The following CSMD1 variants were observed in gnomAD, a reference collection of about 807,000 sequenced individuals.
CSMD1 encodes the protein CUB and Sushi multiple domains 1.
CSMD1 carries 213 observed loss-of-function variants against 417.5 expected under a neutral mutation model. The ratio of observed to expected loss-of-function variants is 0.51; its 90% CI spans 0.46 to 0.57. The LOEUF (loss-of-function observed/expected upper bound fraction) is 0.57, where lower values mean the gene tolerates loss of function less well. CSMD1 is among the 20% of genes least tolerant of loss of function. CSMD1 has a pLI of 0.00. For missense variants in CSMD1, 6,923 were observed against 4,529.7 expected (o/e 1.53, Z -15.17); for synonymous variants, 2,862 against 1,736.8 (o/e 1.65, Z -16.11).
At chr8:4,883,331 A>T (rs1803533991) in intron 1 of CSMD1, among the ~76,000 whole-genome samples, 1 of 152,160 alleles carries the variant, frequency 6.6e-6, no homozygotes, top group Admixed American at 6.5e-5. Context: ...GGATATAATT[A>T]TCAGATATAA....
chr8:3,991,251 A>T (rs1418169621), intron 5 of CSMD1, among the ~76,000 whole-genome samples: 1 of 152,232 alleles, frequency 6.6e-6, no homozygotes, highest in African/African-American at 2.4e-5. Context: ...TTATCCGTAC[A>T]GTAGAATTAG....
At chr8:4,833,841 T>G (rs377112772) in intron 1 of CSMD1, among the ~76,000 whole-genome samples, 3 of 152,218 alleles carry the variant, frequency 2.0e-5, no homozygotes, top group Non-Finnish European at 4.4e-5. Context: ...GCAAGTTGGC[T>G]ACGTTGGCTA....
At chr8:4,081,512 TG>T (rs1425648482) in intron 3 of CSMD1, among the ~76,000 whole-genome samples, 1 of 152,204 alleles carries the variant, frequency 6.6e-6, no homozygotes, top group East Asian at 1.9e-4. Context: ...GACAAGGAAC[TG>T]GGGTCCCCCT....
At chr8:3,440,771 G>GT (rs1263975616) in intron 12 of CSMD1, among the ~76,000 whole-genome samples, 2 of 152,104 alleles carry the variant, frequency 1.3e-5, no homozygotes, top group Non-Finnish European at 2.9e-5. Context: ...AATTCTAAGT[G>GT]TTTTTTTGTT....
chr8:3,051,490 G>C (rs763256200), intron 50 of CSMD1, among the ~76,000 whole-genome samples: 2 of 152,086 alleles, frequency 1.3e-5, no homozygotes, highest in African/African-American at 2.4e-5. Flanking sequence ...CTGTCTCTTG[G>C]GTACTATGGT....
chr8:3,071,534 G>C (rs984711613), intron 49 of CSMD1, among the ~76,000 whole-genome samples: 1 of 152,078 alleles, frequency 6.6e-6, no homozygotes, highest in East Asian at 1.9e-4. Context: ...ATGATAAAAT[G>C]TATGTCTAAC....
intron 26 of CSMD1, among the ~76,000 whole-genome samples, chr8:3,265,629 A>G (rs1301840131): frequency 6.6e-6 from 1 of 152,242 alleles, no homozygotes; most frequent in African/African-American, 2.4e-5. Flanking sequence ...AGAGGAGTGA[A>G]GGTGGAGAAG....
At chr8:3,560,464 C>T (rs187256363) in intron 10 of CSMD1, among the ~76,000 whole-genome samples, 1 of 152,098 alleles carries the variant, frequency 6.6e-6, no homozygotes, top group African/African-American at 2.4e-5. Flanking sequence ...TCTGTGAACT[C>T]CAGACTGATT....
intron 1 of CSMD1, among the ~76,000 whole-genome samples, chr8:4,838,751 T>G (rs10090660): frequency 0.8 from 122,099 of 152,086 alleles, 50,184 homozygotes; most frequent in East Asian, 0.98. Context: ...AAATGAAGAC[T>G]AACAAGGAAG....
intron 2 of CSMD1, among the ~76,000 whole-genome samples, chr8:4,528,065 C>A (rs939988504): frequency 1.3e-5 from 2 of 152,264 alleles, no homozygotes; most frequent in South Asian, 4.1e-4. Flanking sequence ...CCTTTCCCAC[C>A]ACATTCAGCA....
intron 2 of CSMD1, among the ~76,000 whole-genome samples, chr8:4,543,757 G>A: frequency 6.9e-6 from 1 of 144,152 alleles, no homozygotes; most frequent in South Asian, 2.3e-4. Flanking sequence ...CACCGCTAAT[G>A]ACTGAGAGTT....
intron 1 of CSMD1, among the ~76,000 whole-genome samples, chr8:4,741,950 T>A (rs1398924977): frequency 7.0e-6 from 1 of 143,062 alleles, no homozygotes; most frequent in African/African-American, 2.6e-5. Context: ...CTTCCCATCT[T>A]AGCCTCCAGA....
intron 3 of CSMD1, among the ~76,000 whole-genome samples, chr8:4,296,691 T>TA (rs1485279078): frequency 1.7e-5 from 2 of 117,310 alleles, no homozygotes; most frequent in Non-Finnish European, 3.3e-5. Flanking sequence ...AACACGAAAA[T>TA]AAGGGTTTTT....
At chr8:3,654,806 G>A (rs1798022857) in intron 7 of CSMD1, among the ~76,000 whole-genome samples, 1 of 152,112 alleles carries the variant, frequency 6.6e-6, no homozygotes, top group Non-Finnish European at 1.5e-5. Context: ...CTGCCTCAGG[G>A]CTACCATGGC....
chr8:4,922,836 T>G (rs1444706574), intron 1 of CSMD1, among the ~76,000 whole-genome samples: 1 of 152,234 alleles, frequency 6.6e-6, no homozygotes, highest in Admixed American at 6.5e-5. Flanking sequence ...GAGGAATTCC[T>G]TTACCAAGTT....
At chr8:3,307,870 G>C in intron 24 of CSMD1, 49 bp from the exon 25 acceptor site, 1 of 1,583,688 alleles carries the variant, frequency 6.3e-7, no homozygotes, top group Non-Finnish European at 8.6e-7. Context: ...GGCATCACAT[G>C]TTTCTATTTA....
At chr8:3,401,965 T>A (rs1368997673) in intron 15 of CSMD1, among the ~76,000 whole-genome samples, 1 of 152,130 alleles carries the variant, frequency 6.6e-6, no homozygotes, top group Non-Finnish European at 1.5e-5. Context: ...TGCTTTTTTT[T>A]TTTGATGATT....
At chr8:4,680,832 G>A (rs1805994252) in intron 1 of CSMD1, among the ~76,000 whole-genome samples, 1 of 151,942 alleles carries the variant, frequency 6.6e-6, no homozygotes, top group Admixed American at 6.6e-5. Flanking sequence ...CACCCGCCTT[G>A]GCCTCCCAAA....
chr8:4,076,434 C>G (rs956550561), intron 3 of CSMD1, among the ~76,000 whole-genome samples: 1 of 152,092 alleles, frequency 6.6e-6, no homozygotes, highest in Non-Finnish European at 1.5e-5. Context: ...TAGACTTTCT[C>G]TGGTTTATGG....
Sources: allele counts gnomAD v4.1 joint callset (sites outside exome capture counted in the v4.1 genomes callset), GRCh38; gene constraint gnomAD v4.1.1; transcripts MANE v1.5; gene names NCBI Gene and HGNC (gene_info 2026-07-23, HGNC 2026-07-21).